The following ARHGEF10 variants were observed in gnomAD, a reference collection of about 807,000 sequenced individuals.
ARHGEF10 encodes Rho guanine nucleotide exchange factor 10.
Under a neutral mutation model 147.4 loss-of-function variants are expected in ARHGEF10, and 140 were observed. That is an observed-to-expected ratio of 0.95 (90% CI 0.83 to 1.09). ARHGEF10 has a LOEUF of 1.09. Among genes scored for constraint, ARHGEF10 ranks in the 50% least tolerant of loss-of-function variants. The pLI, the probability that ARHGEF10 is intolerant of heterozygous loss-of-function variation, is 0.00. For missense variants in ARHGEF10, 2,222 were observed against 1,752.7 expected (o/e 1.27, Z -4.78); for synonymous variants, 902 against 695.8 (o/e 1.30, Z -4.67).
chr8:1,923,736 G>A (rs967721678), intron 20 of ARHGEF10, 38 bp from the exon 21 acceptor site: 11 of 1,613,774 alleles, frequency 6.8e-6, no homozygotes, highest in South Asian at 2.2e-5. Flanking sequence ...GATGGAGCAC[G>A]TTTTATAAAA....
intron 1 of ARHGEF10, among the ~76,000 whole-genome samples, chr8:1,834,295 C>A (rs1185492186): frequency 6.6e-6 from 1 of 152,218 alleles, no homozygotes; most frequent in East Asian, 1.9e-4. Context: ...AATGCATTTG[C>A]TTCTCTTTTC....
intron 2 of ARHGEF10, among the ~76,000 whole-genome samples, chr8:1,852,600 T>A (rs1052420166): frequency 2.0e-5 from 3 of 152,208 alleles, no homozygotes; most frequent in Non-Finnish European, 4.4e-5. Context: ...GATTGGATTG[T>A]CAGGTAACTT....
chr8:1,825,493 C>G (rs1162469954), intron 1 of ARHGEF10, among the ~76,000 whole-genome samples: 1 of 146,638 alleles, frequency 6.8e-6, no homozygotes, highest in African/African-American at 2.6e-5. Context: ...CGCACCCCAG[C>G]TGTCCCCCCC....
intron 23 of ARHGEF10, 87 bp from the exon 24 acceptor site, chr8:1,928,340 G>A: frequency 8.2e-7 from 1 of 1,212,554 alleles, no homozygotes; most frequent in South Asian, 1.2e-5. Context: ...ATCGAAGCTT[G>A]TCGTGGCCTT....
At chr8:1,867,776 T>C (rs1255770383) in intron 6 of ARHGEF10, among the ~76,000 whole-genome samples, 1 of 152,224 alleles carries the variant, frequency 6.6e-6, no homozygotes, top group Non-Finnish European at 1.5e-5. Flanking sequence ...CTCACTAATT[T>C]CTATGTTACT....
Position 1,864,396 on chromosome 8 carries a change from C to T in ARHGEF10, c.505C>T (p.Arg169Cys). The T allele has an allele frequency of 2.5e-6, 4 of 1,614,132 alleles. No individual in the cohort carries two copies. Among genetic ancestry groups the T allele is most frequent in the Non-Finnish European group, 3.4e-6 (4 of 1,180,012 alleles). Residue 169 changes from arginine (R) to cysteine (C), a missense_variant, in exon 5 of 29, where the codon CGC becomes TGC. Transcript: ENST00000349830. ...EEETPEVTED[R>C]QPNSLSSEEP... Reference sequence around the variant, plus strand: ...AGAAACACCAGAAGTCACAGAAGATCGCCAGCCCAATTCTCTGAGTTCCGA... The same window carrying T: ...AGAAACACCAGAAGTCACAGAAGATTGCCAGCCCAATTCTCTGAGTTCCGA...
In ARHGEF10 at chr8:1,937,792, C is replaced by T. The variant is rs774313861; in HGVS notation, c.3222+3850C>T. On this transcript the variant is annotated intron_variant, in intron 26 of 28. Transcript: ENST00000349830. This position sits in a 1 kb window ranked among gnomAD's most constrained non-coding sequence, Gnocchi z 4.9. ...ATGGCCATATGCTGTCAGAACAGTG[C>T]CGGCCTGGGAGCTGCATGTGATCTG... 8.7e-4 allele frequency among the ~76,000 whole-genome samples: 132 copies of T among 152,190 alleles called. No homozygotes were observed. The highest frequency in any genetic ancestry group is 1.4e-3 in the Non-Finnish European group (98 of 68,044).
At chr8:1,867,016 C>CTT (rs78899210) in intron 6 of ARHGEF10, among the ~76,000 whole-genome samples, 8 of 137,868 alleles carry the variant, frequency 5.8e-5, no homozygotes, top group Admixed American at 1.5e-4. Context: ...GTGGGCCTCC[C>CTT]TTTTTTTTTT....
At chr8:1,847,462 G>T (rs757496747) in intron 2 of ARHGEF10, among the ~76,000 whole-genome samples, 1 of 152,186 alleles carries the variant, frequency 6.6e-6, no homozygotes, top group Non-Finnish European at 1.5e-5. Context: ...TAGGGCAAAA[G>T]AAATAAGTAC....
intron 1 of ARHGEF10, among the ~76,000 whole-genome samples, chr8:1,831,111 C>A (rs530170902): frequency 6.6e-6 from 1 of 152,208 alleles, no homozygotes; most frequent in East Asian, 1.9e-4. Context: ...GGAAGGGCCA[C>A]GGGCCAGACC....
At chr8:1,879,044 C>T (rs1403420803) in intron 8 of ARHGEF10, among the ~76,000 whole-genome samples, 7 of 152,172 alleles carry the variant, frequency 4.6e-5, no homozygotes, top group South Asian at 2.1e-4. Flanking sequence ...CAAGTTTTCT[C>T]GTTCAAAGGG....
intron 18 of ARHGEF10, among the ~76,000 whole-genome samples, chr8:1,911,281 C>T (rs2069167): frequency 0.13 from 19,841 of 152,058 alleles, 1,518 homozygotes; most frequent in African/African-American, 0.21. Context: ...TTTTGCATAC[C>T]TGCATTGATT....
At chr8:1,832,399 G>GAGAC (rs1803183556) in intron 1 of ARHGEF10, among the ~76,000 whole-genome samples, 1 of 47,592 alleles carries the variant, frequency 2.1e-5, no homozygotes, top group African/African-American at 9.4e-5. Flanking sequence ...CAGAGACAGA[G>GAGAC]AGAGGCAGAG....
At chr8:1,888,491 TAA>T (rs1808996120) in intron 11 of ARHGEF10, among the ~76,000 whole-genome samples, 18 of 92,030 alleles carry the variant, frequency 2.0e-4, no homozygotes, top group African/African-American at 8.5e-4. Flanking sequence ...CTGAGTGGGG[TAA>T]GAAGTCTGTG....
chr8:1,882,419 A>G (rs1490926938), intron 9 of ARHGEF10, among the ~76,000 whole-genome samples: 1 of 152,202 alleles, frequency 6.6e-6, no homozygotes, highest in Non-Finnish European at 1.5e-5. Flanking sequence ...GGCAGGGAAC[A>G]TGTTTCACCA....
intron 15 of ARHGEF10, among the ~76,000 whole-genome samples, chr8:1,899,838 G>C (rs940617275): frequency 1.3e-5 from 2 of 152,258 alleles, no homozygotes; most frequent in Non-Finnish European, 2.9e-5. Context: ...TTCCTCGTGT[G>C]AGGGAGTCTG....
Position 1,909,293 on chromosome 8 carries a change from AG to A in ARHGEF10, c.1968-1del. On this transcript the variant is annotated splice_acceptor_variant, in intron 17 of 28. Coordinates refer to ENST00000349830, the MANE Select transcript of ARHGEF10 (RefSeq NM_014629.4). LOFTEE classifies it high-confidence loss of function. ...AAAACAAGGATCTTTTGGTCGTTTC[AG>A]CCCCTCTCATGACAGCCGTGTGATG... The A allele has an allele frequency of 6.2e-7, 1 of 1,614,242 alleles. No individual in the cohort carries two copies. The highest frequency in any genetic ancestry group is 8.5e-7 in the Non-Finnish European group (1 of 1,180,050).
chr8:1,829,999 G>T (rs891029778), intron 1 of ARHGEF10, among the ~76,000 whole-genome samples: 3 of 152,196 alleles, frequency 2.0e-5, no homozygotes, highest in African/African-American at 4.8e-5. Flanking sequence ...GAGAGGGTTA[G>T]GTTCTCCAGT....
chr8:1,832,993 G>GA, intron 1 of ARHGEF10, among the ~76,000 whole-genome samples: 1 of 107,446 alleles, frequency 9.3e-6, no homozygotes, highest in East Asian at 2.7e-4. Context: ...CAGAGACAGA[G>GA]GCAGAGACAG....
Sources: gnomAD v4.1 joint callset for allele counts (sites outside exome capture counted in the v4.1 genomes callset) on GRCh38, gnomAD v4.1.1 for gene constraint, Gnocchi (gnomAD v3.1) non-coding constraint, MANE v1.5 for transcripts, NCBI Gene and HGNC (gene_info 2026-07-23, HGNC 2026-07-21) for gene names.